PM20D2: variants seen among roughly 807,000 people sequenced by gnomAD.
PM20D2 encodes the protein xaa-Arg dipeptidase.
Under a neutral mutation model 42.9 loss-of-function variants are expected in PM20D2, and 33 were observed. The ratio of observed to expected loss-of-function variants is 0.77; its 90% confidence interval spans 0.58 to 1.03. The LOEUF (loss-of-function observed/expected upper bound fraction) is 1.03, where lower values mean the gene tolerates loss of function less well. PM20D2 is among the 50% of genes least tolerant of loss of function. The probability of loss-of-function intolerance (pLI) is 0.00; values close to 1 mark genes in which losing one functional copy is unlikely to be tolerated. For missense variants in PM20D2, 548 were observed against 557.0 expected, an observed-to-expected ratio of 0.98 and a Z score of 0.16; for synonymous variants, 250 against 228.2, an observed-to-expected ratio of 1.10 and a Z score of -0.86.
chr6:89,112,616 T>C, the PM20D2 span, among the ~76,000 whole-genome samples: 3 of 151,960 alleles, frequency 2.0e-5, no homozygotes, highest in African/African-American at 7.3e-5. Flanking sequence ...CTTGCTATGT[T>C]GCCCAGGCTG....
At chr6:89,160,584 A>G (rs892294512) in intron 5 of PM20D2, among the ~76,000 whole-genome samples, 7 of 152,222 alleles carry the variant, frequency 4.6e-5, no homozygotes, top group Non-Finnish European at 8.8e-5. Flanking sequence ...TTTATTCAAC[A>G]AGTGCCTGTG....
At chr6:89,130,960 C>T in the PM20D2 span, among the ~76,000 whole-genome samples, 1 of 151,196 alleles carries the variant, frequency 6.6e-6, no homozygotes, top group Non-Finnish European at 1.5e-5. Context: ...GCCTTGGCCT[C>T]TCAGAGTGGT....
At chr6:89,148,050 G>A (rs923782046) in intron 1 of PM20D2, among the ~76,000 whole-genome samples, 1 of 138,272 alleles carries the variant, frequency 7.2e-6, no homozygotes, top group African/African-American at 2.7e-5. Flanking sequence ...GTCCTATCTC[G>A]GCTCACTACA....
rs767175274 is a variant in PM20D2 at position 89,154,796 on chromosome 6, C to G, written c.806C>G (p.Ser269Cys). Residue 269 changes from serine (S) to cysteine (C), a missense_variant, in exon 4 of 7, where the codon TCT (serine) becomes TGT (cysteine). Ser to Cys is a moderately radical substitution (Grantham distance 112, BLOSUM62 -1). Transcript: ENST00000275072. ...GVKPNIIPSY[S>C]ELIYYFRAPS... Reference sequence around the variant, plus strand: ...AAACCCAATATCATTCCCTCTTATTCTGAATTAATCTATTACTTCCGTGCA... The same window carrying G: ...AAACCCAATATCATTCCCTCTTATTGTGAATTAATCTATTACTTCCGTGCA... 1.3e-6 allele frequency: 2 copies of G among 1,591,670 alleles called. No homozygotes were observed. Among genetic ancestry groups the G allele is most frequent in the Non-Finnish European group, 1.7e-6 (2 of 1,169,386 alleles).
Position 89,146,565 on chromosome 6 carries a change from AG to A in PM20D2, c.427del (p.Ala143ProfsTer2). The A allele has an allele frequency of 4.0e-6, 6 of 1,492,102 alleles. No homozygotes were observed. The highest frequency in any genetic ancestry group is 2.9e-5 in the African/African-American group (2 of 68,640). 92.4% of individuals were successfully genotyped at this position (1,492,102 alleles called of 1,614,324 possible). ...EVGAAAALGV[R>X]GALEGLPRPP... Reference sequence around the variant, plus strand: ...CGGGGCGGCGGCCGCGCTGGGCGTGAGGGGGGCCTTAGAGGGCCTCCCCAGG... The same window carrying A: ...CGGGGCGGCGGCCGCGCTGGGCGTGAGGGGGCCTTAGAGGGCCTCCCCAGG... On this transcript the variant is annotated frameshift_variant, in exon 1 of 7. Transcript: ENST00000275072. LOFTEE classifies it high-confidence loss of function.
the PM20D2 span, among the ~76,000 whole-genome samples, chr6:89,095,374 G>A: frequency 3.3e-5 from 5 of 152,120 alleles, no homozygotes; most frequent in Admixed American, 2.6e-4. Flanking sequence ...CACCACGCCC[G>A]GCTAATTTTT....
rs753768538 is a variant in PM20D2 at position 89,150,531 on chromosome 6, CTTTTTTTTTT to C, written c.614+1135_614+1144del. ...TTCTTAGCTTTCTCACTGATCATCTCTTTTTTTTTTTTTTTTTTTTTTTTTTGAGGCTGAG... is the reference window on the plus strand; with the variant it reads ...TTCTTAGCTTTCTCACTGATCATCTCTTTTTTTTTTTTTTTTGAGGCTGAG... On this transcript the variant is annotated intron_variant, in intron 2 of 6. Coordinates refer to ENST00000275072, the MANE Select transcript of PM20D2 (RefSeq NM_001010853.3). 1.0e-3 allele frequency among the ~76,000 whole-genome samples: 62 copies of C among 59,424 alleles called. 1 individual carries two copies. The Middle Eastern group carries it at 0.056, about 53-fold the overall frequency. The allele number at this position is 59,424 out of a possible 152,430, so 39.0% of individuals were successfully genotyped here. A position where few individuals can be genotyped will look rare whatever the true frequency, so the allele number is the denominator to read the frequency against.
chr6:89,102,125 G>C, the PM20D2 span, among the ~76,000 whole-genome samples: 1 of 151,062 alleles, frequency 6.6e-6, no homozygotes, highest in Non-Finnish European at 1.5e-5. Context: ...ACACCATGTA[G>C]AGCCTCTTCA....
the PM20D2 span, among the ~76,000 whole-genome samples, chr6:89,127,362 C>G: frequency 6.7e-6 from 1 of 148,510 alleles, no homozygotes; most frequent in Non-Finnish European, 1.5e-5. Context: ...CGGAGTGTCA[C>G]TCTCTTGCCC....
chr6:89,144,002 G>A (rs1391285613), upstream of PM20D2, among the ~76,000 whole-genome samples: 1 of 152,144 alleles, frequency 6.6e-6, no homozygotes, highest in East Asian at 1.9e-4. Flanking sequence ...GAATGCAGTG[G>A]GAAAACAAAA....
intron 5 of PM20D2, among the ~76,000 whole-genome samples, chr6:89,159,306 A>G (rs1277975039): frequency 1.3e-5 from 2 of 152,212 alleles, no homozygotes; most frequent in Non-Finnish European, 1.5e-5. Context: ...TCAGAGAGAA[A>G]GCCAGACAAT....
At chr6:89,148,129 C>T (rs962859999) in intron 1 of PM20D2, among the ~76,000 whole-genome samples, 1 of 151,648 alleles carries the variant, frequency 6.6e-6, no homozygotes, top group Non-Finnish European at 1.5e-5. Context: ...AGGTGTGTGC[C>T]ACCACGCCCA....
chr6:89,099,439 T>TAC, the PM20D2 span, among the ~76,000 whole-genome samples: 3 of 127,468 alleles, frequency 2.4e-5, no homozygotes, highest in East Asian at 4.4e-4. Flanking sequence ...TGTATATATA[T>TAC]ACACATATAT....
upstream of PM20D2, among the ~76,000 whole-genome samples, chr6:89,141,076 C>G (rs548691318): frequency 2.6e-5 from 4 of 152,244 alleles, 1 homozygote; most frequent in South Asian, 8.3e-4. Flanking sequence ...ATGCACTTTC[C>G]TTGGTGCTCT....
upstream of PM20D2, among the ~76,000 whole-genome samples, chr6:89,141,818 C>T (rs554720934): frequency 4.0e-5 from 6 of 151,696 alleles, no homozygotes; most frequent in Admixed American, 2.6e-4. Context: ...TTTTATTTTA[C>T]TTTGAGACAA....
At chr6:89,149,531 A>AAT in intron 2 of PM20D2, 118 bp downstream of exon 2, 2 of 1,266,532 alleles carry the variant, frequency 1.6e-6, no homozygotes, top group East Asian at 4.8e-5. Flanking sequence ...ATTGAAAGAC[A>AAT]ATAACAAGAT....
the PM20D2 span, among the ~76,000 whole-genome samples, chr6:89,126,934 G>A: frequency 1.8e-4 from 28 of 152,086 alleles, no homozygotes; most frequent in African/African-American, 6.0e-4. Context: ...GGATTCCAAA[G>A]ACAATCCTGG....
At chr6:89,151,157 A>AAC (rs1451632336) in intron 2 of PM20D2, among the ~76,000 whole-genome samples, 62 of 151,236 alleles carry the variant, frequency 4.1e-4, no homozygotes, top group African/African-American at 1.2e-3. Context: ...CCATCTCAAA[A>AAC]AAAAAGAAAA....
chr6:89,162,303 A>G lies in PM20D2; in HGVS notation c.*40A>G. 6.4e-7 allele frequency: 1 copy of G among 1,554,882 alleles called. No homozygotes were observed. Among genetic ancestry groups the G allele is most frequent in the Non-Finnish European group, 8.7e-7 (1 of 1,149,816 alleles). On this transcript the variant is annotated 3_prime_UTR_variant, in exon 7 of 7. Coordinates refer to ENST00000275072, the MANE Select transcript of PM20D2 (RefSeq NM_001010853.3). Reference sequence around the variant, plus strand: ...ACTTATAAATCAAGAAGACGTGATGATTTTTTTCTTTTAATCTCTTTTAAT... The same window carrying G: ...ACTTATAAATCAAGAAGACGTGATGGTTTTTTTCTTTTAATCTCTTTTAAT...
Sources: allele counts gnomAD v4.1 joint callset (sites outside exome capture counted in the v4.1 genomes callset), GRCh38; gene constraint gnomAD v4.1.1; transcripts MANE v1.5; gene names NCBI Gene and HGNC (gene_info 2026-07-23, HGNC 2026-07-21).